Variants in SH3PXD2A observed in about 807,000 individuals in gnomAD.
The protein encoded by SH3PXD2A is SH3 and PX domain-containing protein 2A.
In SH3PXD2A, 32 loss-of-function variants were observed where a neutral mutation model predicts 115.2. That is an observed-to-expected ratio of 0.28 (90% CI 0.21 to 0.37). The LOEUF is 0.37. Among genes scored for constraint, SH3PXD2A ranks in the 10% least tolerant of loss-of-function variants. The pLI, the probability that SH3PXD2A is intolerant of heterozygous loss-of-function variation, is 1.00. For synonymous variants in SH3PXD2A, 610 were observed against 629.1 expected (o/e 0.97, Z 0.45); for missense variants, 1,328 against 1,498.7 (o/e 0.89, Z 1.88).
At chr10:103,762,957 G>A (rs55662924) in intron 3 of SH3PXD2A, among the ~76,000 whole-genome samples, 8,720 of 150,506 alleles carry the variant, frequency 0.058, 368 homozygotes, top group Non-Finnish European at 0.083. Context: ...GAGCCAATGA[G>A]CCCTGTCTGG....
chr10:103,798,598 G>A (rs35170534), intron 2 of SH3PXD2A, among the ~76,000 whole-genome samples: 3,346 of 152,310 alleles, frequency 0.022, 120 homozygotes, highest in African/African-American at 0.076. Context: ...GTGGCCCCCA[G>A]GAGGCTTAGA....
intron 2 of SH3PXD2A, among the ~76,000 whole-genome samples, chr10:103,780,560 C>A (rs933689983): frequency 5.9e-5 from 9 of 152,152 alleles, no homozygotes; most frequent in Non-Finnish European, 1.2e-4. Context: ...TCCTAGAACT[C>A]AGGAGAGGGC....
intron 3 of SH3PXD2A, among the ~76,000 whole-genome samples, chr10:103,737,411 G>A (rs2038392487): frequency 6.6e-6 from 1 of 152,206 alleles, no homozygotes; most frequent in Middle Eastern, 3.2e-3. Context: ...ACTCAGAAAA[G>A]CCATTGCCTT....
rs2038873705 is a variant in SH3PXD2A, at chr10:103,775,944, CACTA to C, written c.154-8779_154-8776del. Among the ~76,000 whole-genome samples, 2 of 152,198 alleles carry C rather than the reference CACTA, an allele frequency of 1.3e-5. 1 individual carries two copies. Among genetic ancestry groups the C allele is most frequent in the South Asian group, 4.1e-4 (2 of 4,828 alleles). Reference sequence around the variant, plus strand: ...TGCCTGCTCGATAATAACACACACTCACTAAGCTGCTGTCTACAGCATCTGGGTT... The same window carrying C: ...TGCCTGCTCGATAATAACACACACTCAGCTGCTGTCTACAGCATCTGGGTT... On this transcript the variant is annotated intron_variant, in intron 2 of 14. Transcript: ENST00000369774.
At chr10:103,815,437 CAT>C (rs1444751222) in intron 1 of SH3PXD2A, among the ~76,000 whole-genome samples, 1 of 148,104 alleles carries the variant, frequency 6.8e-6, no homozygotes, top group African/African-American at 2.5e-5. Flanking sequence ...TACACACACA[CAT>C]ATACAGTGTA....
At chr10:103,642,351 CAG>C (rs563011992) in intron 8 of SH3PXD2A, among the ~76,000 whole-genome samples, 2 of 152,256 alleles carry the variant, frequency 1.3e-5, no homozygotes, top group East Asian at 1.9e-4. Flanking sequence ...ATTTGCTAGA[CAG>C]GGGTTAAAGA....
chr10:103,663,554 T>C (rs1592289084), intron 7 of SH3PXD2A, among the ~76,000 whole-genome samples: 1 of 152,260 alleles, frequency 6.6e-6, no homozygotes, highest in East Asian at 1.9e-4. Context: ...TTTTTAAAAG[T>C]ACTGATGCTG....
At chr10:103,679,717 C>T (rs756568287) in intron 6 of SH3PXD2A, among the ~76,000 whole-genome samples, 5 of 152,194 alleles carry the variant, frequency 3.3e-5, no homozygotes, top group Admixed American at 2.0e-4. Context: ...TTGCAAGGTC[C>T]CCCTGGGGGG....
chr10:103,718,163 G>A (rs147048545), intron 5 of SH3PXD2A, among the ~76,000 whole-genome samples: 1 of 152,068 alleles, frequency 6.6e-6, no homozygotes, highest in Non-Finnish European at 1.5e-5. Flanking sequence ...GTGCCACCAT[G>A]CCTGGCTCAT....
At chr10:103,644,114 CAAAAAAAAA>C (rs71019685) in intron 8 of SH3PXD2A, among the ~76,000 whole-genome samples, 2 of 72,274 alleles carry the variant, frequency 2.8e-5, no homozygotes, top group Non-Finnish European at 2.4e-5. Context: ...GGCTCCATCC[CAAAAAAAAA>C]AAAAAAAAAA....
Position 103,600,530 on chromosome 10 carries a change from C to T in SH3PXD2A, c.*1286G>A, listed in dbSNP as rs778331788. 3.9e-5 allele frequency: 6 copies of T among 152,230 alleles called. No individual in the cohort carries two copies. The highest frequency in any genetic ancestry group is 2.1e-4 in the South Asian group (1 of 4,832). 9.4% of individuals were successfully genotyped at this position (152,230 alleles called of 1,614,324 possible). ...AATGGCTGCTTCTCCATGCTTCATA[C>T]GTAAGGCTTCCAGCCCTGCCCAGCT... On this transcript the variant is annotated 3_prime_UTR_variant, in exon 15 of 15. Transcript: ENST00000369774.
intron 7 of SH3PXD2A, among the ~76,000 whole-genome samples, chr10:103,664,818 C>T (rs2037363003): frequency 6.6e-6 from 1 of 152,014 alleles, no homozygotes; most frequent in Non-Finnish European, 1.5e-5. Flanking sequence ...AGGTGCCCAC[C>T]ACCATACCTG....
At chr10:103,773,521 C>T (rs2038851080) in intron 2 of SH3PXD2A, among the ~76,000 whole-genome samples, 1 of 151,512 alleles carries the variant, frequency 6.6e-6, no homozygotes, top group Non-Finnish European at 1.5e-5. Context: ...CTCACTGCAA[C>T]CCCCTCCTCC....
At chr10:103,850,535 C>A (rs888157961) in intron 1 of SH3PXD2A, among the ~76,000 whole-genome samples, 1 of 152,174 alleles carries the variant, frequency 6.6e-6, no homozygotes, top group African/African-American at 2.4e-5. Context: ...GACCTTGGGG[C>A]TAGGATCCTA....
chr10:103,711,116 G>A (rs1206966372), intron 5 of SH3PXD2A, among the ~76,000 whole-genome samples: 1 of 152,228 alleles, frequency 6.6e-6, no homozygotes, highest in Non-Finnish European at 1.5e-5. Flanking sequence ...AGTTACACCT[G>A]TGAGTCCAAG....
chr10:103,655,377 G>C (rs2037195559), intron 8 of SH3PXD2A, among the ~76,000 whole-genome samples: 1 of 152,320 alleles, frequency 6.6e-6, no homozygotes, highest in Non-Finnish European at 1.5e-5. Context: ...TTCTTTTCTA[G>C]GAGCAGGCGA....
At position 103,767,067 on chromosome 10, in the gene SH3PXD2A, C is replaced by T. The variant is rs1195658800; in HGVS notation, c.229+27G>A. The T allele has an allele frequency of 3.2e-6, 5 of 1,586,834 alleles. No individual in the cohort carries two copies. The Admixed American group carries it at 8.4e-5, about 27-fold the overall frequency. On this transcript the variant is annotated intron_variant, in intron 3 of 14. Coordinates refer to ENST00000369774, the MANE Select transcript of SH3PXD2A (RefSeq NM_001394015.1). ...CTGGTCCTTCCCGGGTATCCCCCAT[C>T]CCTGGGTGGAGCCACCCAATGCTTA...
Position 103,603,399 on chromosome 10 carries a change from C to T in SH3PXD2A, c.1819G>A (p.Glu607Lys), listed in dbSNP as rs1351190759. Residue 607 changes from glutamate to lysine, a missense_variant, in exon 15 of 15, where the codon GAG becomes AAG. By Grantham distance (56) the Glu-to-Lys change is moderately conservative. This residue lies in a region of SH3PXD2A where 509 missense variants were observed against 628.3 expected (regional missense o/e 0.81). Coordinates refer to ENST00000369774, the MANE Select transcript of SH3PXD2A (RefSeq NM_001394015.1). Reference sequence around the variant, plus strand: ...TCCAGGGCCACATCCTCTGAAGACTCACCCACCTTGAAGCGGGCCCGCTGC... The same window carrying T: ...TCCAGGGCCACATCCTCTGAAGACTTACCCACCTTGAAGCGGGCCCGCTGC... ...SLQRARFKVG[E>K]SSEDVALEEE... 2 of 1,614,158 alleles carry T rather than the reference C, an allele frequency of 1.2e-6. No individual in the cohort carries two copies. Among genetic ancestry groups the T allele is most frequent in the Non-Finnish European group, 1.7e-6 (2 of 1,180,022 alleles).
chr10:103,690,498 G>T (rs12572907), intron 6 of SH3PXD2A, among the ~76,000 whole-genome samples: 34 of 152,216 alleles, frequency 2.2e-4, no homozygotes, highest in Admixed American at 2.2e-3. Context: ...TGAGTCCAAA[G>T]GCAGCTGCTG....
Sources: gnomAD v4.1 joint callset for allele counts (sites outside exome capture counted in the v4.1 genomes callset) on GRCh38, gnomAD v4.1.1 for gene constraint, gnomAD v4.1.1 regional missense constraint, MANE v1.5 for transcripts, NCBI Gene and HGNC (gene_info 2026-07-23, HGNC 2026-07-21) for gene names.